The following TUSC3 variants were observed in gnomAD, a reference collection of about 807,000 sequenced individuals.
TUSC3 encodes tumor suppressor candidate 3.
Under a neutral mutation model 44.8 loss-of-function variants are expected in TUSC3, and 45 were observed. That is an observed-to-expected ratio of 1.00 (90% CI 0.79 to 1.29). The LOEUF is 1.29. TUSC3 is among the 50% of genes most tolerant of loss of function. TUSC3 has a pLI of 0.00. For missense variants in TUSC3, 519 were observed against 437.9 expected, an observed-to-expected ratio of 1.19 and a Z score of -1.65; for synonymous variants, 212 against 152.9, an observed-to-expected ratio of 1.39 and a Z score of -2.85.
Position 15,662,248 on chromosome 8 carries a change from C to G in TUSC3, c.660C>G (p.Asn220Lys), listed in dbSNP as rs1487825981. The G allele has an allele frequency of 1.9e-6, 3 of 1,612,992 alleles. No homozygotes were observed. The highest frequency in any genetic ancestry group is 2.5e-6 in the Non-Finnish European group (3 of 1,179,318). The part of the protein sequence containing the change: ...LVGGLLYLRR[N>K]NLEFIYNKTG... ...GAGGTTTGCTTTATTTGAGAAGGAA[C>G]AACTTGGAGTTCATCTATAACAAGA... Residue 220 changes from asparagine to lysine, a missense_variant, in exon 5 of 11, where the codon AAC (asparagine) becomes AAG (lysine). By Grantham distance (94) the Asn-to-Lys change is moderately conservative. Transcript: ENST00000503731.
the TUSC3 span, among the ~76,000 whole-genome samples, chr8:15,818,659 A>T: frequency 6.6e-6 from 1 of 152,232 alleles, no homozygotes; most frequent in Non-Finnish European, 1.5e-5. Flanking sequence ...ACACTATTTC[A>T]CTTTTTAAAT....
chr8:15,458,491 G>A (rs148751210), intron 1 of TUSC3, among the ~76,000 whole-genome samples: 61 of 152,144 alleles, frequency 4.0e-4, no homozygotes, highest in African/African-American at 1.4e-3. Context: ...CACCCACCTC[G>A]GCCTCCCAAA....
At chr8:15,806,476 G>A in the TUSC3 span, 3 of 894,774 alleles carry the variant, frequency 3.4e-6, no homozygotes, top group African/African-American at 1.6e-5. Flanking sequence ...TATGCAAACA[G>A]GTGTCGACTA....
intron 6 of TUSC3, among the ~76,000 whole-genome samples, chr8:15,705,053 T>C (rs1450126393): frequency 2.6e-5 from 4 of 152,042 alleles, no homozygotes; most frequent in African/African-American, 9.7e-5. Context: ...TAGGGTATTA[T>C]TATTTATGTC....
At chr8:15,673,564 T>C (rs531894166) in intron 5 of TUSC3, among the ~76,000 whole-genome samples, 183 bp from the exon 6 acceptor site, 8 of 152,242 alleles carry the variant, frequency 5.3e-5, no homozygotes, top group African/African-American at 1.7e-4. Flanking sequence ...ATACGGAATC[T>C]GAGATGCAGG....
the TUSC3 span, among the ~76,000 whole-genome samples, chr8:15,789,833 C>T: frequency 3.3e-5 from 5 of 152,114 alleles, no homozygotes; most frequent in Non-Finnish European, 5.9e-5. Context: ...CAATGAAAAA[C>T]GGTACGGAAA....
chr8:15,738,461 A>G (rs898423891), intron 7 of TUSC3, among the ~76,000 whole-genome samples: 3 of 152,184 alleles, frequency 2.0e-5, no homozygotes, highest in African/African-American at 7.2e-5. Flanking sequence ...TTGTAAATAA[A>G]GTTTTATTGG....
chr8:15,816,539 ACT>A, the TUSC3 span, among the ~76,000 whole-genome samples: 1 of 152,062 alleles, frequency 6.6e-6, no homozygotes, highest in Non-Finnish European at 1.5e-5. Flanking sequence ...GGAAAGGGTG[ACT>A]CTTCTATCCC....
At chr8:15,570,981 G>C (rs142654964) in intron 1 of TUSC3, among the ~76,000 whole-genome samples, 1 of 15,958 alleles carries the variant, frequency 6.3e-5, no homozygotes, top group Admixed American at 9.2e-4. Context: ...TTTTGAGATT[G>C]AGTCTTGCTG....
chr8:15,445,860 G>C (rs554481006), intron 1 of TUSC3, among the ~76,000 whole-genome samples: 1 of 152,120 alleles, frequency 6.6e-6, no homozygotes, highest in African/African-American at 2.4e-5. Context: ...ACGGGGTGGC[G>C]GCCGGGCAGA....
chr8:15,689,717 T>G (rs912982299), intron 6 of TUSC3, among the ~76,000 whole-genome samples: 2 of 152,096 alleles, frequency 1.3e-5, no homozygotes, highest in African/African-American at 4.8e-5. Flanking sequence ...CTATTTGGTT[T>G]TCTCTTCCTG....
chr8:15,436,827 C>T (rs866514143), intron 1 of TUSC3, among the ~76,000 whole-genome samples: 3 of 152,104 alleles, frequency 2.0e-5, no homozygotes, highest in Non-Finnish European at 2.9e-5. Flanking sequence ...AACTCATAAG[C>T]CTGTGTATAG....
At chr8:15,497,939 G>A (rs1432384494) in intron 2 of TUSC3, among the ~76,000 whole-genome samples, 3 of 151,800 alleles carry the variant, frequency 2.0e-5, no homozygotes, top group African/African-American at 7.3e-5. Context: ...ACTAGAGATG[G>A]GGTTTCACCA....
At chr8:15,790,213 G>A in the TUSC3 span, among the ~76,000 whole-genome samples, 744 of 123,602 alleles carry the variant, frequency 6.0e-3, 5 homozygotes, top group African/African-American at 0.023. Flanking sequence ...TTGAGATGGA[G>A]TCTTGCTCTG....
chr8:15,533,909 G>T (rs1801484254), intron 2 of TUSC3, among the ~76,000 whole-genome samples: 1 of 152,172 alleles, frequency 6.6e-6, no homozygotes, highest in Non-Finnish European at 1.5e-5. Flanking sequence ...TTATCTCATG[G>T]TTGGAAAGTT....
At chr8:15,713,642 G>A (rs764559103) in intron 6 of TUSC3, among the ~76,000 whole-genome samples, 34 of 151,988 alleles carry the variant, frequency 2.2e-4, no homozygotes, top group Admixed American at 2.0e-3. Flanking sequence ...GATTGTAGAT[G>A]GCTGCCTTCT....
At chr8:15,642,504 C>G (rs1341641647) in intron 2 of TUSC3, among the ~76,000 whole-genome samples, 1 of 152,132 alleles carries the variant, frequency 6.6e-6, no homozygotes, top group Non-Finnish European at 1.5e-5. Context: ...TAATCTCCAT[C>G]TCTTGGGACA....
intron 1 of TUSC3, among the ~76,000 whole-genome samples, chr8:15,611,476 C>G (rs781003222): frequency 1.3e-5 from 2 of 152,148 alleles, no homozygotes; most frequent in South Asian, 2.1e-4. Flanking sequence ...CGTGAGCCAT[C>G]GTACCTGGCT....
chr8:15,470,287 C>T (rs1291896148), intron 1 of TUSC3, among the ~76,000 whole-genome samples: 1 of 150,536 alleles, frequency 6.6e-6, no homozygotes, highest in East Asian at 2.0e-4. Flanking sequence ...CATTGGTTGC[C>T]AAGGGTTCAA....
Sources: gnomAD v4.1 joint callset for allele counts (sites outside exome capture counted in the v4.1 genomes callset) on GRCh38, gnomAD v4.1.1 for gene constraint, MANE v1.5 for transcripts, NCBI Gene and HGNC (gene_info 2026-07-23, HGNC 2026-07-21) for gene names.